SGCZ: variants seen among roughly 807,000 people sequenced by gnomAD.
SGCZ encodes the protein sarcoglycan zeta.
Under a neutral mutation model 41.3 loss-of-function variants are expected in SGCZ, and 40 were observed. The observed-to-expected ratio is 0.97, with a 90% CI of 0.75 to 1.26. SGCZ has a LOEUF of 1.26. Among genes scored for constraint, SGCZ ranks in the 50% most tolerant of loss-of-function variants. The pLI, the probability that SGCZ is intolerant of heterozygous loss-of-function variation, is 0.00. For missense variants in SGCZ, 552 were observed against 369.8 expected, an observed-to-expected ratio of 1.49 and a Z score of -4.04; for synonymous variants, 206 against 137.5, an observed-to-expected ratio of 1.50 and a Z score of -3.49.
chr8:14,938,813 AT>A (rs762710133), intron 1 of SGCZ, among the ~76,000 whole-genome samples: 2,903 of 148,472 alleles, frequency 0.02, 38 homozygotes, highest in Non-Finnish European at 0.029. Context: ...TACAATGATA[AT>A]TTTTTTTTTT....
intron 1 of SGCZ, among the ~76,000 whole-genome samples, chr8:14,718,002 T>C (rs916726950): frequency 1.3e-5 from 2 of 150,918 alleles, no homozygotes; most frequent in African/African-American, 4.9e-5. Flanking sequence ...ATAAGATATA[T>C]ATATATATGT....
chr8:14,144,370 T>C (rs1172438913), intron 5 of SGCZ, among the ~76,000 whole-genome samples: 1 of 152,170 alleles, frequency 6.6e-6, no homozygotes, highest in Non-Finnish European at 1.5e-5. Context: ...AGATAGACCC[T>C]GGGCCAGAAG....
intron 2 of SGCZ, among the ~76,000 whole-genome samples, chr8:14,394,288 C>A (rs1390078135): frequency 1.3e-5 from 2 of 151,674 alleles, no homozygotes; most frequent in African/African-American, 4.8e-5. Flanking sequence ...GTAGCTGGGA[C>A]TACAGGCATG....
At chr8:15,037,592 C>G (rs556268970) in intron 1 of SGCZ, among the ~76,000 whole-genome samples, 1 of 152,144 alleles carries the variant, frequency 6.6e-6, no homozygotes, top group African/African-American at 2.4e-5. Context: ...CTCACCACTT[C>G]TATTTAACAT....
chr8:14,950,863 A>G (rs1800611811), intron 1 of SGCZ, among the ~76,000 whole-genome samples: 1 of 152,078 alleles, frequency 6.6e-6, no homozygotes, highest in African/African-American at 2.4e-5. Flanking sequence ...GGTAGGTTAA[A>G]TAGTTCATAA....
Position 14,323,474 on chromosome 8 carries a change from A to G in SGCZ, c.336+629T>C, listed in dbSNP as rs376158703. Among the ~76,000 whole-genome samples the G allele has an allele frequency of 1.4e-3, 206 of 152,210 alleles. 2 individuals are homozygous for G. Among genetic ancestry groups the G allele is most frequent in the African/African-American group, 4.8e-3 (200 of 41,556 alleles). On this transcript the variant is annotated intron_variant, in intron 3 of 7. Coordinates refer to ENST00000382080, the MANE Select transcript of SGCZ (RefSeq NM_139167.4). The stretch of plus-strand genomic sequence containing the variant: ...TATGAAAAATTCTAGTAAGTTTTTG[A>G]TATATCCAAGAATATTTACTGCCTT...
intron 1 of SGCZ, among the ~76,000 whole-genome samples, chr8:15,215,161 A>C (rs1302970514): frequency 6.6e-6 from 1 of 152,220 alleles, no homozygotes. Context: ...AGTTAACTGA[A>C]GTAAACTGTG....
At chr8:14,542,110 T>G (rs1429680373) in intron 2 of SGCZ, among the ~76,000 whole-genome samples, 5 of 152,178 alleles carry the variant, frequency 3.3e-5, no homozygotes, top group Non-Finnish European at 5.9e-5. Context: ...TATTTTCTTT[T>G]GCTGAGCAGA....
intron 1 of SGCZ, among the ~76,000 whole-genome samples, chr8:15,201,074 T>C (rs1007890574): frequency 1.3e-5 from 2 of 152,196 alleles, no homozygotes; most frequent in African/African-American, 4.8e-5. Flanking sequence ...TGGAGTGCAG[T>C]GGCACCATCT....
rs1230276613 is a variant in SGCZ at position 15,060,578 on chromosome 8, C to T, written c.39+177007G>A. Among the ~76,000 whole-genome samples, 21 of 149,740 alleles carry T rather than the reference C, an allele frequency of 1.4e-4. No individual in the cohort carries two copies. In the East Asian group the frequency reaches 2.0e-3, roughly 14 times the overall value. Reference sequence around the variant, plus strand: ...AGATATACCTAATTAATGTAAATGACGAGTTAATGGGTGCAGCACACCAAC... The same window carrying T: ...AGATATACCTAATTAATGTAAATGATGAGTTAATGGGTGCAGCACACCAAC... On this transcript the variant is annotated intron_variant, in intron 1 of 7. Coordinates refer to ENST00000382080, the MANE Select transcript of SGCZ (RefSeq NM_139167.4).
intron 1 of SGCZ, among the ~76,000 whole-genome samples, chr8:14,963,975 G>C (rs1019245079): frequency 9.9e-5 from 15 of 152,052 alleles, no homozygotes; most frequent in Admixed American, 6.5e-5. Flanking sequence ...ATAGCACGTG[G>C]ATCCAATAAA....
intron 1 of SGCZ, among the ~76,000 whole-genome samples, chr8:14,560,634 C>G (rs958044202): frequency 1.3e-5 from 2 of 152,128 alleles, no homozygotes; most frequent in Admixed American, 1.3e-4. Flanking sequence ...TGTTCTATTT[C>G]TACAAATTAT....
At chr8:14,148,124 T>C (rs1018136053) in intron 5 of SGCZ, among the ~76,000 whole-genome samples, 3 of 151,888 alleles carry the variant, frequency 2.0e-5, no homozygotes, top group African/African-American at 7.3e-5. Context: ...AAATAAACAG[T>C]CTAACAATGC....
rs1276827313 is a variant in SGCZ, at chr8:14,087,718, A to ATTTT, written c.*2724_*2725insAAAA. 2.0e-5 allele frequency among the ~76,000 whole-genome samples: 3 copies of ATTTT among 149,030 alleles called. No individual in the cohort carries two copies. The highest frequency in any genetic ancestry group is 7.7e-5 in the African/African-American group (3 of 38,988). ...ATTAAGGGACCACTATATTTTTAAA[A>ATTTT]AAAAAAAAATGCTTTTTTGTGTTTG... On this transcript the variant is annotated 3_prime_UTR_variant, in exon 8 of 8. Coordinates refer to ENST00000382080, the MANE Select transcript of SGCZ (RefSeq NM_139167.4).
chr8:14,531,880 A>ATT (rs1302746825), intron 2 of SGCZ, among the ~76,000 whole-genome samples: 1 of 152,104 alleles, frequency 6.6e-6, no homozygotes, highest in African/African-American at 2.4e-5. Context: ...TTTGATAGCT[A>ATT]TTTGGGTCCT....
intron 5 of SGCZ, among the ~76,000 whole-genome samples, chr8:14,155,447 T>C (rs1269033971): frequency 6.6e-6 from 1 of 152,052 alleles, no homozygotes; most frequent in East Asian, 1.9e-4. Flanking sequence ...AAATTAATGT[T>C]TTAAAAATGT....
At chr8:14,802,518 A>C (rs1239242164) in intron 1 of SGCZ, among the ~76,000 whole-genome samples, 11 of 152,198 alleles carry the variant, frequency 7.2e-5, no homozygotes, top group Admixed American at 7.2e-4. Context: ...ATTCAAAATC[A>C]CCATTTAATT....
intron 1 of SGCZ, among the ~76,000 whole-genome samples, chr8:15,181,652 C>A (rs968855377): frequency 2.6e-5 from 4 of 151,942 alleles, no homozygotes; most frequent in Non-Finnish European, 5.9e-5. Context: ...CATTTTGATA[C>A]GCTAAAAAAA....
chr8:15,188,935 T>C lies in SGCZ; in HGVS notation c.39+48650A>G, dbSNP rs79524219. Among the ~76,000 whole-genome samples, 598 of 152,192 alleles carry C rather than the reference T, an allele frequency of 3.9e-3. 3 individuals are homozygous for C. The highest frequency in any genetic ancestry group is 0.013 in the African/African-American group (546 of 41,526). On this transcript the variant is annotated intron_variant, in intron 1 of 7. Coordinates refer to ENST00000382080, the MANE Select transcript of SGCZ (RefSeq NM_139167.4). ...AAATAATATGATAAAATCTCCCCTT[T>C]TTTGCAATAGCTCCACTTTGACATT... is the stretch of plus-strand genomic sequence containing the variant.
Sources: gnomAD v4.1 joint callset for allele counts (sites outside exome capture counted in the v4.1 genomes callset) on GRCh38, gnomAD v4.1.1 for gene constraint, MANE v1.5 for transcripts, NCBI Gene and HGNC (gene_info 2026-07-23, HGNC 2026-07-21) for gene names.